Variants in NPSR1 observed in about 807,000 individuals in gnomAD.
NPSR1 encodes neuropeptide S receptor.
A neutral mutation model predicts 46.9 loss-of-function variants in NPSR1; 48 were observed. The observed-to-expected ratio is 1.02, with a 90% CI of 0.81 to 1.30. The LOEUF is 1.30. Ranked by LOEUF, NPSR1 falls within the 50% of genes most tolerant of loss-of-function variation. NPSR1 has a pLI of 0.00. For synonymous variants in NPSR1, 176 were observed against 168.1 expected (o/e 1.05, Z -0.36); for missense variants, 450 against 449.5 (o/e 1.00, Z -0.01).
intron 6 of NPSR1, among the ~76,000 whole-genome samples, chr7:34,841,688 C>G (rs754675407): frequency 2.0e-5 from 3 of 152,194 alleles, no homozygotes; most frequent in Non-Finnish European, 4.4e-5. Flanking sequence ...ATTAAAGATG[C>G]TTTTCACTGA....
intron 1 of NPSR1, among the ~76,000 whole-genome samples, chr7:34,675,189 T>C (rs966103466): frequency 1.3e-5 from 2 of 152,226 alleles, no homozygotes; most frequent in Non-Finnish European, 2.9e-5. Context: ...GTAAGCCTTC[T>C]TAAATGATGC....
intron 3 of NPSR1, among the ~76,000 whole-genome samples, chr7:34,781,443 G>T (rs1375675727): frequency 3.9e-5 from 6 of 152,252 alleles, no homozygotes; most frequent in African/African-American, 1.4e-4. Context: ...CACATAGAAA[G>T]AATTGCTGGT....
downstream of NPSR1, among the ~76,000 whole-genome samples, chr7:34,851,807 T>C (rs1387434582): frequency 6.6e-6 from 1 of 152,182 alleles, no homozygotes; most frequent in Non-Finnish European, 1.5e-5. Context: ...CTGTAGAAAC[T>C]GTGAACATGA....
chr7:34,713,370 T>C (rs931415698), intron 2 of NPSR1, among the ~76,000 whole-genome samples: 2 of 152,264 alleles, frequency 1.3e-5, no homozygotes, highest in Admixed American at 6.5e-5. Context: ...GAAAAAACAT[T>C]GAGAATTCAA....
chr7:34,672,991 G>A (rs1792133290), intron 1 of NPSR1, among the ~76,000 whole-genome samples: 1 of 152,138 alleles, frequency 6.6e-6, no homozygotes, highest in Non-Finnish European at 1.5e-5. Flanking sequence ...GCCACTATCT[G>A]TCCTCACTAA....
intron 4 of NPSR1, among the ~76,000 whole-genome samples, chr7:34,815,714 T>A (rs1789213526): frequency 6.6e-6 from 1 of 152,132 alleles, no homozygotes; most frequent in Non-Finnish European, 1.5e-5. Context: ...TAACAGCAGA[T>A]CTCTTGGCAG....
intron 2 of NPSR1, among the ~76,000 whole-genome samples, chr7:34,728,083 T>TA (rs1204605133): frequency 6.6e-6 from 1 of 151,990 alleles, no homozygotes; most frequent in Non-Finnish European, 1.5e-5. Flanking sequence ...AAGTTTTTTT[T>TA]ATTATTATTA....
chr7:34,763,950 C>T (rs1786304204), intron 2 of NPSR1, among the ~76,000 whole-genome samples: 2 of 152,082 alleles, frequency 1.3e-5, no homozygotes, highest in African/African-American at 4.8e-5. Context: ...GAACTAAGCT[C>T]AGGAGATGCA....
chr7:34,708,060 T>C (rs1282399736), intron 2 of NPSR1, among the ~76,000 whole-genome samples: 1 of 152,104 alleles, frequency 6.6e-6, no homozygotes, highest in Non-Finnish European at 1.5e-5. Context: ...CAGAATTACC[T>C]CATCTTTTTT....
intron 2 of NPSR1, among the ~76,000 whole-genome samples, chr7:34,734,040 C>T (rs1302193889): frequency 1.3e-5 from 2 of 152,008 alleles, no homozygotes; most frequent in South Asian, 4.1e-4. Context: ...ACAAATATTC[C>T]CCTGGAAATG....
At chr7:34,693,208 C>T (rs323926) in intron 2 of NPSR1, among the ~76,000 whole-genome samples, 58,867 of 151,930 alleles carry the variant, frequency 0.39, 11,911 homozygotes, top group African/African-American at 0.47. Context: ...ATACTTCCTG[C>T]ACAGCCTGCA....
At chr7:34,692,922 C>T (rs1167127248) in intron 2 of NPSR1, among the ~76,000 whole-genome samples, 4 of 152,164 alleles carry the variant, frequency 2.6e-5, no homozygotes, top group Non-Finnish European at 5.9e-5. Flanking sequence ...TGTTGAAATA[C>T]AATCCCCCCG....
chr7:34,799,143 T>C (rs186145109), intron 3 of NPSR1, among the ~76,000 whole-genome samples: 27 of 152,276 alleles, frequency 1.8e-4, no homozygotes, highest in Admixed American at 1.7e-3. Flanking sequence ...AATTTAAATT[T>C]TCTCTGCAGA....
chr7:34,856,910 TG>T (rs199608545), intron 8 of NPSR1, among the ~76,000 whole-genome samples: 14 of 151,002 alleles, frequency 9.3e-5, no homozygotes, highest in South Asian at 6.3e-4. Flanking sequence ...TTTATGTAGA[TG>T]GGGGGGGAAA....
chr7:34,832,716 A>T (rs1562763148), intron 5 of NPSR1, among the ~76,000 whole-genome samples: 1 of 152,224 alleles, frequency 6.6e-6, no homozygotes, highest in Non-Finnish European at 1.5e-5. Context: ...CTAAAGCATA[A>T]GACATTTCTT....
intron 2 of NPSR1, among the ~76,000 whole-genome samples, chr7:34,744,282 C>T (rs1785097577): frequency 1.3e-5 from 2 of 152,154 alleles, no homozygotes; most frequent in South Asian, 4.1e-4. Flanking sequence ...GATATCACTA[C>T]AGGATTTTTC....
At chr7:34,702,030 A>G (rs1379216640) in intron 2 of NPSR1, among the ~76,000 whole-genome samples, 2 of 152,260 alleles carry the variant, frequency 1.3e-5, no homozygotes, top group African/African-American at 2.4e-5. Flanking sequence ...AGAAGTCCGG[A>G]CGTAGGTAAT....
chr7:34,815,783 T>C (rs191473786), intron 4 of NPSR1, among the ~76,000 whole-genome samples: 4 of 152,306 alleles, frequency 2.6e-5, no homozygotes, highest in Admixed American at 2.6e-4. Flanking sequence ...AAGAGAAGAA[T>C]TTTCAATCCA....
intron 2 of NPSR1, among the ~76,000 whole-genome samples, chr7:34,731,361 A>G (rs1446064579): frequency 3.3e-5 from 5 of 152,226 alleles, no homozygotes; most frequent in African/African-American, 1.2e-4. Context: ...AACTAAATAA[A>G]TGAAAATAAA....
Sources: gnomAD v4.1 joint callset for allele counts (sites outside exome capture counted in the v4.1 genomes callset) on GRCh38, gnomAD v4.1.1 for gene constraint, MANE v1.5 for transcripts, NCBI Gene and HGNC (gene_info 2026-07-23, HGNC 2026-07-21) for gene names.